Variants in ULK4 observed in about 807,000 individuals in gnomAD.
ULK4 encodes inactive serine/threonine-protein kinase ULK4.
ULK4 carries 133 observed loss-of-function variants against 160.6 expected under a neutral mutation model. The ratio of observed to expected loss-of-function variants is 0.83; its 90% CI spans 0.72 to 0.96. The LOEUF (loss-of-function observed/expected upper bound fraction) is 0.96, where lower values mean the gene tolerates loss of function less well. ULK4 is among the 40% of genes least tolerant of loss of function. The pLI, the probability that ULK4 is intolerant of heterozygous loss-of-function variation, is 0.00. For missense variants in ULK4, 1,580 were observed against 1,499.5 expected, an observed-to-expected ratio of 1.05 and a Z score of -0.89; for synonymous variants, 534 against 539.8, an observed-to-expected ratio of 0.99 and a Z score of 0.15.
chr3:41,523,549 C>T (rs1011994151), intron 32 of ULK4, among the ~76,000 whole-genome samples: 2 of 151,998 alleles, frequency 1.3e-5, no homozygotes, highest in Non-Finnish European at 2.9e-5. Context: ...TTGTATAATA[C>T]ATTTTTATGG....
intron 35 of ULK4, among the ~76,000 whole-genome samples, chr3:41,294,450 A>G (rs1008908167): frequency 1.3e-5 from 2 of 152,250 alleles, no homozygotes; most frequent in African/African-American, 2.4e-5. Flanking sequence ...GATTAAGACA[A>G]CAGATCATTT....
intron 22 of ULK4, among the ~76,000 whole-genome samples, chr3:41,750,911 A>C (rs1252871813): frequency 1.3e-5 from 2 of 149,992 alleles, no homozygotes; most frequent in African/African-American, 4.9e-5. Flanking sequence ...AATTGCTTGA[A>C]CCCGGGAGGC....
intron 14 of ULK4, 112 bp downstream of exon 14, chr3:41,898,320 G>A: frequency 1.5e-6 from 1 of 680,922 alleles, no homozygotes; most frequent in African/African-American, 1.8e-5. Flanking sequence ...ATAGCCAATT[G>A]TCAAGACAAA....
chr3:41,936,809 G>A (rs925025598), intron 3 of ULK4, among the ~76,000 whole-genome samples: 1 of 152,100 alleles, frequency 6.6e-6, no homozygotes, highest in Admixed American at 6.6e-5. Flanking sequence ...GATGGTTAAT[G>A]GGTACAAATA....
chr3:41,249,307 C>T (rs2078701310), intron 36 of ULK4, among the ~76,000 whole-genome samples, 182 bp downstream of exon 36: 1 of 152,180 alleles, frequency 6.6e-6, no homozygotes, highest in South Asian at 2.1e-4. Flanking sequence ...ACTGGGGATT[C>T]CCAGTGTGTG....
intron 35 of ULK4, among the ~76,000 whole-genome samples, chr3:41,386,446 T>G (rs1373945438): frequency 6.6e-6 from 1 of 152,196 alleles, no homozygotes; most frequent in Non-Finnish European, 1.5e-5. Context: ...GGAATTCTTA[T>G]GAAGTGGCGT....
At chr3:41,392,821 T>C (rs1011014449) in intron 35 of ULK4, among the ~76,000 whole-genome samples, 2 of 152,184 alleles carry the variant, frequency 1.3e-5, no homozygotes, top group African/African-American at 4.8e-5. Context: ...TTAATCCAAT[T>C]ACTGGCACCA....
chr3:41,539,644 C>T (rs1409750087), intron 32 of ULK4, among the ~76,000 whole-genome samples: 1 of 152,132 alleles, frequency 6.6e-6, no homozygotes, highest in Non-Finnish European at 1.5e-5. Flanking sequence ...AGGACCCTGA[C>T]AATTATAGCT....
At chr3:41,793,468 A>T (rs2040209119) in intron 20 of ULK4, among the ~76,000 whole-genome samples, 1 of 152,064 alleles carries the variant, frequency 6.6e-6, no homozygotes, top group South Asian at 2.1e-4. Context: ...TGTCATATGA[A>T]ATTACCCTGG....
chr3:41,806,098 T>C (rs1157728207), intron 19 of ULK4, among the ~76,000 whole-genome samples: 1 of 146,446 alleles, frequency 6.8e-6, no homozygotes, highest in Non-Finnish European at 1.5e-5. Context: ...AATTCGGCTG[T>C]GAATCCATCT....
intron 34 of ULK4, among the ~76,000 whole-genome samples, chr3:41,413,923 G>A (rs538494357): frequency 2.6e-4 from 39 of 152,248 alleles, no homozygotes; most frequent in Middle Eastern, 3.4e-3. Flanking sequence ...GTCCATTTGG[G>A]GCTGGGCACA....
intron 31 of ULK4, among the ~76,000 whole-genome samples, chr3:41,572,817 G>C (rs1301600255): frequency 6.7e-6 from 1 of 150,264 alleles, no homozygotes; most frequent in African/African-American, 2.4e-5. Flanking sequence ...ATGGGTATTA[G>C]ACAATTACAG....
intron 35 of ULK4, among the ~76,000 whole-genome samples, chr3:41,375,719 G>C (rs532332204): frequency 2.0e-5 from 3 of 150,340 alleles, no homozygotes; most frequent in East Asian, 4.1e-4. Context: ...CACAGGCATG[G>C]GCAAAGACTT....
Position 41,615,708 on chromosome 3 carries a change from T to C in ULK4, c.3081A>G (p.Glu1027=), listed in dbSNP as rs749740203. 12 of 1,613,070 alleles carry C rather than the reference T, an allele frequency of 7.4e-6. No individual in the cohort carries two copies. In the Admixed American group the frequency reaches 2.0e-4, roughly 27 times the overall value. The change falls in exon 31 of 37, where the codon GAA becomes GAG. Residue 1027 remains glutamate, a synonymous_variant. Coordinates refer to ENST00000301831, the MANE Select transcript of ULK4 (RefSeq NM_017886.4). ...AAATGAGTGGGATCAGTTTGCTTTC[T>C]TCCACAAGTCTGTTAAAAACAAGAA... ...EHNPTFTRLV[E]ESKLIPLIFE...
chr3:41,545,643 T>C (rs2125958496), intron 32 of ULK4, among the ~76,000 whole-genome samples: 1 of 152,306 alleles, frequency 6.6e-6, no homozygotes, highest in South Asian at 2.1e-4. Context: ...TTTTCTGACC[T>C]TTCTAAATAT....
intron 27 of ULK4, among the ~76,000 whole-genome samples, chr3:41,697,735 A>C (rs1310873588): frequency 3.9e-5 from 6 of 152,132 alleles, no homozygotes; most frequent in Non-Finnish European, 1.5e-5. Flanking sequence ...CTCCTGCCTC[A>C]GTCTCCCAAA....
chr3:41,858,532 A>G (rs1381335027), intron 17 of ULK4, among the ~76,000 whole-genome samples: 1 of 140,150 alleles, frequency 7.1e-6, no homozygotes, highest in Non-Finnish European at 1.5e-5. Flanking sequence ...TTTTTTTTGA[A>G]ACCAGGCTGG....
rs3044178 is a variant in ULK4, at chr3:41,856,495, T to TAATA, written c.1657-20528_1657-20525dup. 3.2e-4 allele frequency among the ~76,000 whole-genome samples: 38 copies of TAATA among 119,642 alleles called. 1 individual carries two copies. The East Asian group carries it at 5.4e-3, about 17-fold the overall frequency. The allele number at this position is 119,642 out of a possible 152,430, so 78.5% of individuals were successfully genotyped here. ...TACAAAGTACTCCATGAGGACACAT[T>TAATA]AATAAATAAATAAATAAATATATAT... On this transcript the variant is annotated intron_variant, in intron 17 of 36. Transcript: ENST00000301831.
intron 32 of ULK4, among the ~76,000 whole-genome samples, chr3:41,558,146 AGG>A (rs2087374588): frequency 2.0e-5 from 3 of 152,158 alleles, no homozygotes; most frequent in Admixed American, 2.0e-4. Flanking sequence ...CCTGTGTGAA[AGG>A]ATACATGTAT....
Sources: allele counts gnomAD v4.1 joint callset (sites outside exome capture counted in the v4.1 genomes callset), GRCh38; gene constraint gnomAD v4.1.1; transcripts MANE v1.5; gene names NCBI Gene and HGNC (gene_info 2026-07-23, HGNC 2026-07-21).